The following WNK1 variants were observed in gnomAD, a reference collection of about 807,000 sequenced individuals.
The protein encoded by WNK1 is serine/threonine-protein kinase WNK1.
WNK1 carries 38 observed loss-of-function variants against 222.8 expected under a neutral mutation model. The ratio of observed to expected loss-of-function variants is 0.17; its 90% CI spans 0.13 to 0.22. The LOEUF (loss-of-function observed/expected upper bound fraction) is 0.22. WNK1 is among the 10% of genes least tolerant of loss of function. The pLI, the probability that WNK1 is intolerant of heterozygous loss-of-function variation, is 1.00. For missense variants in WNK1, 2,348 were observed against 2,918.4 expected (o/e 0.80, Z 4.50); for synonymous variants, 1,090 against 1,092.9 (o/e 1.00, Z 0.05).
intron 25 of WNK1, among the ~76,000 whole-genome samples, chr12:899,005 G>T (rs1592239788): frequency 2.6e-5 from 4 of 152,146 alleles, no homozygotes; most frequent in Admixed American, 2.6e-4. Context: ...CTCCCAAAGT[G>T]CTGGGATTAC....
chr12:764,631 T>G (rs1941442206), intron 1 of WNK1, among the ~76,000 whole-genome samples: 1 of 54,782 alleles, frequency 1.8e-5, no homozygotes, highest in Non-Finnish European at 3.8e-5. Context: ...CGAAACTCCG[T>G]CTCAAAAAAA....
intron 9 of WNK1, chr12:877,982 G>T: frequency 1.8e-6 from 1 of 557,148 alleles, no homozygotes; most frequent in Admixed American, 2.9e-5. Context: ...AGAGCCAATG[G>T]TAACTTGAGT....
At chr12:806,771 CA>C (rs1173563717) in intron 1 of WNK1, among the ~76,000 whole-genome samples, 1 of 152,122 alleles carries the variant, frequency 6.6e-6, no homozygotes, top group African/African-American at 2.4e-5. Context: ...AGTCTTTGCT[CA>C]TAAAATGTCG....
chr12:819,046 G>A (rs549960297), intron 2 of WNK1, among the ~76,000 whole-genome samples: 62 of 152,102 alleles, frequency 4.1e-4, no homozygotes, highest in Non-Finnish European at 7.8e-4. Flanking sequence ...GCATCCTACC[G>A]GGAGTGACAT....
Position 885,506 on chromosome 12 carries a change from C to T in WNK1, c.4702C>T (p.His1568Tyr). 6.2e-7 allele frequency: 1 copy of T among 1,614,108 alleles called. No homozygotes were observed. The highest frequency in any genetic ancestry group is 8.5e-7 in the Non-Finnish European group (1 of 1,180,030). Residue 1568 changes from histidine (H) to tyrosine (Y), a missense_variant, in exon 19 of 28, where the codon CAT (histidine) becomes TAT (tyrosine). Around this residue, in one of 13 missense-constraint regions of WNK1, gnomAD observed 1,144 missense variants for 1,273.6 expected, o/e 0.90. Coordinates refer to ENST00000315939, the MANE Select transcript of WNK1 (RefSeq NM_018979.4). ...SSYISQPGGL[H>Y]PLVIPSVIAS... ...TTATATTTCTCAGCCTGGTGGGCTGCATCCTTTGGTCATTCCATCAGTGAT... is the reference window on the plus strand; with the variant it reads ...TTATATTTCTCAGCCTGGTGGGCTGTATCCTTTGGTCATTCCATCAGTGAT...
rs1404286852 is a variant in WNK1, at chr12:753,339, C to T, written c.-227C>T. Reference sequence around the variant, plus strand: ...GCTCCCGAATCGCCCGCCTTCGAGCCCTCCTCGTGAGCCGCAGCAGCCTCG... The same window carrying T: ...GCTCCCGAATCGCCCGCCTTCGAGCTCTCCTCGTGAGCCGCAGCAGCCTCG... On this transcript the variant is annotated 5_prime_UTR_variant, in exon 1 of 28. Coordinates refer to ENST00000315939, the MANE Select transcript of WNK1 (RefSeq NM_018979.4). This position sits in a 1 kb window ranked among gnomAD's most constrained non-coding sequence, Gnocchi z 5.2. The T allele has an allele frequency of 3.9e-5, 23 of 592,348 alleles. No homozygotes were observed. In the East Asian group the frequency reaches 6.0e-4, roughly 15 times the overall value. 36.7% of individuals were successfully genotyped at this position (592,348 alleles called of 1,614,324 possible).
chr12:886,506 T>C (rs1358554494), intron 19 of WNK1, among the ~76,000 whole-genome samples: 1 of 152,128 alleles, frequency 6.6e-6, no homozygotes, highest in Admixed American at 6.5e-5. Context: ...TTGTACAGTT[T>C]GGGGGTTATA....
chr12:871,174 TGAG>T lies in WNK1; in HGVS notation c.2140-87_2140-85del, dbSNP rs72649870. The T allele has an allele frequency of 5.7e-6, 7 of 1,217,466 alleles. No individual in the cohort carries two copies. In the African/African-American group the frequency reaches 1.0e-4, roughly 18 times the overall value. The allele number at this position is 1,217,466 out of a possible 1,614,324, so 75.4% of individuals were successfully genotyped here. On this transcript the variant is annotated intron_variant, in intron 8 of 27. Coordinates refer to ENST00000315939, the MANE Select transcript of WNK1 (RefSeq NM_018979.4). ...TGTTTCATTTTGATCAAGCAAACTCTGAGGAGATTAAATATTCATTGCAAAAGC... is the reference window on the plus strand; with the variant it reads ...TGTTTCATTTTGATCAAGCAAACTCTGAGATTAAATATTCATTGCAAAAGC...
Position 885,147 on chromosome 12 carries a change from A to C in WNK1, c.4343A>C (p.Tyr1448Ser). Reference protein sequence around the residue: ...SEIVVSSTALYPSVTVSATSA... With the variant: ...SEIVVSSTALSPSVTVSATSA... Reference sequence around the variant, plus strand: ...ATCGTTGTTTCTAGTACAGCACTGTATCCTTCAGTAACAGTTTCAGCAACT... The same window carrying C: ...ATCGTTGTTTCTAGTACAGCACTGTCTCCTTCAGTAACAGTTTCAGCAACT... The change falls in exon 19 of 28, where the codon TAT becomes TCT. Residue 1448 changes from tyrosine (Y) to serine (S), a missense_variant. This residue lies in a region of WNK1 where 1,144 missense variants were observed against 1,273.6 expected (regional missense o/e 0.90). Transcript: ENST00000315939. 6.2e-7 allele frequency: 1 copy of C among 1,614,218 alleles called. No individual in the cohort carries two copies. Among genetic ancestry groups the C allele is most frequent in the Non-Finnish European group, 8.5e-7 (1 of 1,180,032 alleles).
In WNK1 at chr12:753,893, G is replaced by T. The variant is rs777835259; in HGVS notation, c.328G>T (p.Ala110Ser). The part of the protein sequence containing the change: ...LSLPQPSIPA[A>S]VPQSAPPEPH... ...CCTGCCCCAGCCCAGCATCCCCGCG[G>T]CTGTCCCGCAGAGTGCTCCACCGGA... Residue 110 changes from alanine to serine, a missense_variant, in exon 1 of 28, where the codon GCT becomes TCT. Coordinates refer to ENST00000315939, the MANE Select transcript of WNK1 (RefSeq NM_018979.4). This position sits in a 1 kb window ranked among gnomAD's most constrained non-coding sequence, Gnocchi z 5.2. 19 of 1,611,430 alleles carry T rather than the reference G, an allele frequency of 1.2e-5. No individual in the cohort carries two copies. The highest frequency in any genetic ancestry group is 2.7e-5 in the African/African-American group (2 of 74,896).
chr12:886,145 G>T (rs755137272), intron 19 of WNK1, 61 bp downstream of exon 19: 155 of 1,407,250 alleles, frequency 1.1e-4, no homozygotes, highest in Middle Eastern at 4.2e-4. Context: ...TCCCTAATGA[G>T]TACATTTTTC....
At chr12:780,244 G>A (rs1248979802) in intron 1 of WNK1, among the ~76,000 whole-genome samples, 6 of 152,138 alleles carry the variant, frequency 3.9e-5, no homozygotes, top group African/African-American at 1.4e-4. Flanking sequence ...ATCAGGAGAT[G>A]GGAATGGAGT....
rs1337393174 is a variant in WNK1 at position 909,637 on chromosome 12, G to C, written c.*845G>C. ...GATAAATAAATGTGAATGTAAAATTGTATAAATTACTGTACTTGAATACTT... is the reference window on the plus strand; with the variant it reads ...GATAAATAAATGTGAATGTAAAATTCTATAAATTACTGTACTTGAATACTT... On this transcript the variant is annotated 3_prime_UTR_variant, in exon 28 of 28. Transcript: ENST00000315939. 6.6e-6 allele frequency: 1 copy of C among 152,176 alleles called. No individual in the cohort carries two copies. Among genetic ancestry groups the C allele is most frequent in the South Asian group, 2.1e-4 (1 of 4,832 alleles). 9.4% of individuals were successfully genotyped at this position (152,176 alleles called of 1,614,324 possible).
chr12:841,088 T>C, intron 4 of WNK1, among the ~76,000 whole-genome samples: 1 of 152,234 alleles, frequency 6.6e-6, no homozygotes, highest in East Asian at 1.9e-4. Context: ...TTGTTTTTTA[T>C]TAAACTGAGA....
chr12:819,111 A>G (rs1468384797), intron 2 of WNK1, among the ~76,000 whole-genome samples: 1 of 152,220 alleles, frequency 6.6e-6, no homozygotes. Context: ...AATGTGGAAC[A>G]TCTTTTCATA....
intron 1 of WNK1, among the ~76,000 whole-genome samples, chr12:778,313 T>A (rs1943326113): frequency 6.6e-6 from 1 of 151,378 alleles, no homozygotes; most frequent in African/African-American, 2.4e-5. Flanking sequence ...TTATTATTAA[T>A]TTTTTTTTCG....
intron 4 of WNK1, among the ~76,000 whole-genome samples, chr12:845,308 T>C (rs992480143): frequency 6.6e-6 from 1 of 152,222 alleles, no homozygotes; most frequent in Non-Finnish European, 1.5e-5. Flanking sequence ...TAAAGAAACA[T>C]GCGTGGTTAT....
intron 1 of WNK1, among the ~76,000 whole-genome samples, chr12:770,701 G>C (rs556926960): frequency 6.6e-6 from 1 of 152,156 alleles, no homozygotes; most frequent in Non-Finnish European, 1.5e-5. Flanking sequence ...GCTGAACACA[G>C]AAATTTGGGG....
At chr12:904,884 G>T (rs1395753913) in intron 26 of WNK1, among the ~76,000 whole-genome samples, 1 of 152,226 alleles carries the variant, frequency 6.6e-6, no homozygotes, top group Non-Finnish European at 1.5e-5. Context: ...TGAAGTGGGA[G>T]ATGTGTGCTA....
Sources: gnomAD v4.1 joint callset for allele counts (sites outside exome capture counted in the v4.1 genomes callset) on GRCh38, gnomAD v4.1.1 for gene constraint, gnomAD v4.1.1 regional missense constraint, Gnocchi (gnomAD v3.1) non-coding constraint, MANE v1.5 for transcripts, NCBI Gene and HGNC (gene_info 2026-07-23, HGNC 2026-07-21) for gene names.